MYLK2: variants seen among roughly 807,000 people sequenced by gnomAD.
The protein encoded by MYLK2 is myosin light chain kinase 2.
A neutral mutation model predicts 58.2 loss-of-function variants in MYLK2; 27 were observed. That is an observed-to-expected ratio of 0.46 (90% CI 0.34 to 0.64). MYLK2 has a LOEUF of 0.64. Among genes scored for constraint, MYLK2 ranks in the 30% least tolerant of loss-of-function variants. The pLI, the probability that MYLK2 is intolerant of heterozygous loss-of-function variation, is 0.01. For missense variants in MYLK2, 676 were observed against 764.3 expected, an observed-to-expected ratio of 0.88 and a Z score of 1.36; for synonymous variants, 310 against 296.7, an observed-to-expected ratio of 1.04 and a Z score of -0.46.
In MYLK2 at chr20:31,821,639, C is replaced by T. The variant is rs371836552; in HGVS notation, c.674C>T (p.Ser225Leu). ...AGQAKMQGDT[S>L]RGIEFQAVPS... ...CAGGCTAAGATGCAAGGGGACACCTCGAGGGGGATTGAGTTCCAGGCTGTT... is the reference window on the plus strand; with the variant it reads ...CAGGCTAAGATGCAAGGGGACACCTTGAGGGGGATTGAGTTCCAGGCTGTT... The change falls in exon 4 of 13, where the codon TCG becomes TTG. Residue 225 changes from serine (S) to leucine (L), a missense_variant. Around this residue, in one of 2 missense-constraint regions of MYLK2, gnomAD observed 306 missense variants for 296.5 expected, o/e 1.03. Transcript: ENST00000375985. 15 of 1,613,928 alleles carry T rather than the reference C, an allele frequency of 9.3e-6. No homozygotes were observed. The African/African-American group carries it at 9.3e-5, about 10-fold the overall frequency.
intron 12 of MYLK2, 139 bp downstream of exon 12, chr20:31,832,275 T>C (rs2062311079): frequency 7.8e-7 from 1 of 1,289,984 alleles, no homozygotes; most frequent in African/African-American, 1.5e-5. Context: ...GGGTTGACTT[T>C]TCTGTTTTTG....
At chr20:31,828,641 C>A (rs997606453) in intron 8 of MYLK2, 2 of 985,298 alleles carry the variant, frequency 2.0e-6, no homozygotes, top group African/African-American at 3.5e-5. Context: ...CGGAATCGCA[C>A]TGGGTGAAAT....
chr20:31,826,992 G>T, intron 8 of MYLK2, 54 bp downstream of exon 8: 2 of 1,611,464 alleles, frequency 1.2e-6, no homozygotes, highest in Non-Finnish European at 1.7e-6. Context: ...GACCCCCTGA[G>T]ATCAGTGCTG....
At chr20:31,825,905 A>AAAG (rs1373084248) in intron 6 of MYLK2, among the ~76,000 whole-genome samples, 1 of 152,222 alleles carries the variant, frequency 6.6e-6, no homozygotes, top group Non-Finnish European at 1.5e-5. Flanking sequence ...AAAGTGACAA[A>AAAG]TAATGGTGTC....
At chr20:31,821,231 A>G (rs1211256469) in intron 3 of MYLK2, among the ~76,000 whole-genome samples, 1 of 152,234 alleles carries the variant, frequency 6.6e-6, no homozygotes, top group Non-Finnish European at 1.5e-5. Flanking sequence ...AATCCTATTA[A>G]TAGTTATTAA....
At chr20:31,830,924 C>A in intron 9 of MYLK2, 35 bp downstream of exon 9, 2 of 1,613,602 alleles carry the variant, frequency 1.2e-6, no homozygotes, top group Non-Finnish European at 1.7e-6. Flanking sequence ...GCAAGACAAG[C>A]CTCTGAGTTG....
At chr20:31,831,564 G>T in intron 10 of MYLK2, 139 bp from the exon 11 acceptor site, 1 of 948,622 alleles carries the variant, frequency 1.1e-6, no homozygotes, top group East Asian at 2.5e-5. Flanking sequence ...TTCAAACCCA[G>T]GTCTGTCCCA....
Position 31,819,560 on chromosome 20 carries a change from C to T in MYLK2, c.-21C>T. The T allele has an allele frequency of 6.4e-7, 1 of 1,551,472 alleles. No individual in the cohort carries two copies. The highest frequency in any genetic ancestry group is 8.7e-7 in the Non-Finnish European group (1 of 1,146,968). The stretch of plus-strand genomic sequence containing the variant: ...AGAAAGACTTGAGTTAGACAAGCAG[C>T]AGCACACGCCTCCCTACCTCATGGC... On this transcript the variant is annotated 5_prime_UTR_variant, in exon 2 of 13. Transcript: ENST00000375985.
Position 31,826,679 on chromosome 20 carries a change from C to T in MYLK2, c.1047C>T (p.Ile349=), listed in dbSNP as rs751038976. 5.0e-5 allele frequency: 80 copies of T among 1,613,816 alleles called. No homozygotes were observed. Among genetic ancestry groups the T allele is most frequent in the Non-Finnish European group, 6.4e-5 (75 of 1,179,998 alleles). The change falls in exon 7 of 13, where the codon ATC becomes ATT. Residue 349 remains isoleucine (I), a synonymous_variant. Coordinates refer to ENST00000375985, the MANE Select transcript of MYLK2 (RefSeq NM_033118.4). ...ATCTGATCCAGCTGTATGCAGCCAT[C>T]GAGACTCCGCATGAGATCGTCCTGT... The part of the protein sequence containing the change: ...HRNLIQLYAA[I]ETPHEIVLFM...
chr20:31,834,209 C>T lies in MYLK2; in HGVS notation c.*412C>T. On this transcript the variant is annotated 3_prime_UTR_variant, in exon 13 of 13. Transcript: ENST00000375985. ...GAGTGCCATGGCTGGGGGGTCTCAG[C>T]ATGTAGGGCTTCTGTGGTTGTGGAT... 8.7e-6 allele frequency: 2 copies of T among 229,240 alleles called. No homozygotes were observed. The highest frequency in any genetic ancestry group is 1.0e-4 in the East Asian group (1 of 9,598). The allele number at this position is 229,240 out of a possible 1,614,324, so 14.2% of individuals were successfully genotyped here.
In MYLK2 at chr20:31,831,811, C is replaced by T. The variant is rs201144061; in HGVS notation, c.1533C>T (p.Asp511=). ...AAGAGACCTTTGAGGCCGTATCAGA[C>T]GAGGCCAAAGACTTTGTCTCCAACC... ...FDEETFEAVS[D]EAKDFVSNLI... The change falls in exon 11 of 13, where the codon GAC becomes GAT. Residue 511 remains aspartate (D), a synonymous_variant. Transcript: ENST00000375985. The T allele has an allele frequency of 4.6e-5, 75 of 1,614,178 alleles. No individual in the cohort carries two copies. The highest frequency in any genetic ancestry group is 1.6e-4 in the Middle Eastern group (1 of 6,062).
intron 11 of MYLK2, 41 bp from the exon 12 acceptor site, chr20:31,831,963 C>A (rs769057984): frequency 6.2e-7 from 1 of 1,612,568 alleles, no homozygotes; most frequent in African/African-American, 1.3e-5. Flanking sequence ...TGGGGCCTCA[C>A]GAGCATGCAG....
intron 8 of MYLK2, chr20:31,828,231 T>G (rs2062289879): frequency 2.0e-6 from 2 of 985,186 alleles, no homozygotes; most frequent in Admixed American, 6.2e-5. Context: ...CAGTTGTCCG[T>G]AGCTGTCCGG....
At position 31,824,485 on chromosome 20, in the gene MYLK2, C is replaced by T. The variant is rs939424727; in HGVS notation, c.972+133C>T. On this transcript the variant is annotated intron_variant, in intron 6 of 12. Coordinates refer to ENST00000375985, the MANE Select transcript of MYLK2 (RefSeq NM_033118.4). ...GGAGTTTGTTGCAGTGAAAATACTA[C>T]ACAGATAGAGAGATGGATGGACAGC... 2.6e-6 allele frequency: 4 copies of T among 1,522,942 alleles called. No homozygotes were observed. In the African/African-American group the frequency reaches 4.1e-5, roughly 16 times the overall value. The allele number at this position is 1,522,942 out of a possible 1,614,324, so 94.3% of individuals were successfully genotyped here.
intron 8 of MYLK2, among the ~76,000 whole-genome samples, chr20:31,827,850 A>T (rs1295943356): frequency 7.3e-6 from 1 of 137,276 alleles, no homozygotes; most frequent in Non-Finnish European, 1.5e-5. Context: ...GCTCACTACC[A>T]TGCACATGGT....
chr20:31,833,366 G>A (rs1455707875), intron 12 of MYLK2, among the ~76,000 whole-genome samples: 1 of 152,184 alleles, frequency 6.6e-6, no homozygotes, highest in Non-Finnish European at 1.5e-5. Flanking sequence ...TATGGATGGA[G>A]TGGAGTGAGC....
rs1216972048 is a variant in MYLK2, at chr20:31,831,119, AT to A, written c.1403del (p.Met468ArgfsTer3). On this transcript the variant is annotated frameshift_variant, in exon 10 of 13. Transcript: ENST00000375985. LOFTEE classifies it high-confidence loss of function. ...CTCCGATAAGACAGACATGTGGAGT[AT>A]GGGGGTGATCACCTACATGCTGTGA... ...QISDKTDMWS[M>X]GVITYMLLSG... The A allele has an allele frequency of 2.5e-6, 4 of 1,613,916 alleles. No individual in the cohort carries two copies. In the South Asian group the frequency reaches 4.4e-5, roughly 18 times the overall value.
At chr20:31,830,248 G>T (rs182258504) in intron 8 of MYLK2, among the ~76,000 whole-genome samples, 1 of 152,294 alleles carries the variant, frequency 6.6e-6, no homozygotes, top group East Asian at 1.9e-4. Context: ...GGGAAGGACT[G>T]GGGAGCTAAA....
chr20:31,821,663 T>C lies in MYLK2; in HGVS notation c.698T>C (p.Val233Ala). The C allele has an allele frequency of 1.2e-6, 2 of 1,613,868 alleles. No individual in the cohort carries two copies. The highest frequency in any genetic ancestry group is 1.3e-5 in the African/African-American group (1 of 75,042). The change falls in exon 4 of 13, where the codon GTT (valine) becomes GCT (alanine). Residue 233 changes from valine to alanine, a missense_variant. Physicochemically the swap from Val to Ala is moderately conservative, Grantham distance 64. Around this residue, in one of 2 missense-constraint regions of MYLK2, gnomAD observed 306 missense variants for 296.5 expected, o/e 1.03. Coordinates refer to ENST00000375985, the MANE Select transcript of MYLK2 (RefSeq NM_033118.4). Reference protein sequence around the residue: ...DTSRGIEFQAVPSEKSEVGQA... With the variant: ...DTSRGIEFQAAPSEKSEVGQA... ...TCGAGGGGGATTGAGTTCCAGGCTG[T>C]TCCCTCAGAGAAATCCGAGGTGGGG...
Sources: allele counts gnomAD v4.1 joint callset (sites outside exome capture counted in the v4.1 genomes callset), GRCh38; gene constraint gnomAD v4.1.1; regional missense constraint gnomAD v4.1.1; transcripts MANE v1.5; gene names NCBI Gene and HGNC (gene_info 2026-07-23, HGNC 2026-07-21).